TCF3: variants seen among roughly 807,000 people sequenced by gnomAD.
The protein encoded by TCF3 is transcription factor E2-alpha.
In TCF3, 54 loss-of-function variants were observed where a neutral mutation model predicts 72.3. The ratio of observed to expected loss-of-function variants is 0.75; its 90% CI spans 0.60 to 0.94. The LOEUF (loss-of-function observed/expected upper bound fraction) is 0.94. Among genes scored for constraint, TCF3 ranks in the 40% least tolerant of loss-of-function variants. The pLI, the probability that TCF3 is intolerant of heterozygous loss-of-function variation, is 0.00. For missense variants in TCF3, 1,078 were observed against 934.4 expected, an observed-to-expected ratio of 1.15 and a Z score of -2.00; for synonymous variants, 525 against 412.6, an observed-to-expected ratio of 1.27 and a Z score of -3.30.
At position 1,612,342 on chromosome 19, in the gene TCF3, G is replaced by A. The variant is rs376471101; in HGVS notation, c.1823-493C>T. On this transcript the variant is annotated intron_variant, in intron 18 of 18. Coordinates refer to ENST00000262965, the MANE Select transcript of TCF3 (RefSeq NM_003200.5). ...TCCCGGAAGGCCTCGTTAATATCCC[G>A]CACGCGCACCCGCTCCCGCGCGTTA... 4.3e-6 allele frequency: 7 copies of A among 1,613,802 alleles called. No individual in the cohort carries two copies. The highest frequency in any genetic ancestry group is 4.0e-5 in the African/African-American group (3 of 74,930).
Position 1,611,241 on chromosome 19 carries a change from G to T in TCF3, c.*466C>A. The T allele has an allele frequency of 3.3e-6, 1 of 298,828 alleles. No homozygotes were observed. Among genetic ancestry groups the T allele is most frequent in the Non-Finnish European group, 6.2e-6 (1 of 162,572 alleles). 18.5% of individuals were successfully genotyped at this position (298,828 alleles called of 1,614,324 possible). On this transcript the variant is annotated 3_prime_UTR_variant, in exon 19 of 19. Coordinates refer to ENST00000262965, the MANE Select transcript of TCF3 (RefSeq NM_003200.5). ...GCACAATTTGCTGGTGGCTTTAGAA[G>T]AATAAGCCAGGTTTCCACAGCATCC...
intron 1 of TCF3, chr19:1,650,600 A>G (rs376066897): frequency 3.4e-6 from 1 of 290,540 alleles, no homozygotes; most frequent in East Asian, 5.2e-5. Context: ...CCAAGTTTAA[A>G]CTGCACGCAG....
Position 1,620,990 on chromosome 19 carries a change from C to T in TCF3, c.1071G>A (p.Val357=), listed in dbSNP as rs2146079738. The T allele has an allele frequency of 1.3e-6, 2 of 1,517,134 alleles. No homozygotes were observed. Among genetic ancestry groups the T allele is most frequent in the Non-Finnish European group, 8.8e-7 (1 of 1,133,762 alleles). The allele number at this position is 1,517,134 out of a possible 1,614,324, so 94.0% of individuals were successfully genotyped here. A position where few individuals can be genotyped will look rare whatever the true frequency, so the allele number is the denominator to read the frequency against. Residue 357 remains valine (V), a synonymous_variant, in exon 13 of 19, where the codon GTG becomes GTA. Coordinates refer to ENST00000262965, the MANE Select transcript of TCF3 (RefSeq NM_003200.5). ...NNFSSSPSTP[V]GSPQGLAGTS... is the part of the protein sequence containing the mutation. ...GACCTGCCAGGCCCTGGGGGGAGCC[C>T]ACGGGGGTAGAAGGGCTGGACGAGA...
chr19:1,625,652 C>T lies in TCF3; in HGVS notation c.423G>A (p.Ser141=), dbSNP rs755661624. ...AGTACTGGGAGGTCCCCTTCATGCC[C>T]GAAGGGGACAGGGGCCCGGGGCTGT... is the stretch of plus-strand genomic sequence containing the variant. ...ALNSPGPLSP[S]GMKGTSQYYP... The change falls in exon 7 of 19, where the codon TCG becomes TCA. Residue 141 remains serine (S), a synonymous_variant. Transcript: ENST00000262965. 1.0e-5 allele frequency: 16 copies of T among 1,542,110 alleles called. No homozygotes were observed. Among genetic ancestry groups the T allele is most frequent in the African/African-American group, 1.0e-4 (7 of 69,994 alleles).
At position 1,626,137 on chromosome 19, in the gene TCF3, C is replaced by T. The variant is rs576959265; in HGVS notation, c.367-429G>A. ...GCCAGGGCTGCCCTGAGCCGGGTCC[C>T]GGAACTGACTCCTGCATTTCATCCG... On this transcript the variant is annotated intron_variant, in intron 6 of 18. Coordinates refer to ENST00000262965, the MANE Select transcript of TCF3 (RefSeq NM_003200.5). Among the ~76,000 whole-genome samples, 35 of 152,196 alleles carry T rather than the reference C, an allele frequency of 2.3e-4. No individual in the cohort carries two copies. The East Asian group carries it at 2.7e-3, about 12-fold the overall frequency.
At chr19:1,623,860 C>G in intron 8 of TCF3, 91 bp downstream of exon 8, 1 of 1,365,142 alleles carries the variant, frequency 7.3e-7, no homozygotes, top group South Asian at 1.3e-5. Context: ...AGGGCCCACC[C>G]CGCCATGTGT....
At chr19:1,649,902 C>A (rs568078341) in intron 2 of TCF3, among the ~76,000 whole-genome samples, 22 of 152,332 alleles carry the variant, frequency 1.4e-4, no homozygotes, top group African/African-American at 4.6e-4. Context: ...AGCTGGGGGC[C>A]CAGGACCATG....
chr19:1,651,972 G>A (rs1445781309), intron 1 of TCF3, among the ~76,000 whole-genome samples: 1 of 150,880 alleles, frequency 6.6e-6, no homozygotes, highest in Non-Finnish European at 1.5e-5. Flanking sequence ...GCCCGGGCTG[G>A]GGGGGACGGT....
At chr19:1,651,840 G>A (rs1276299926) in intron 1 of TCF3, among the ~76,000 whole-genome samples, 5 of 140,862 alleles carry the variant, frequency 3.5e-5, no homozygotes, top group African/African-American at 1.3e-4. Context: ...CGCCTGCAGC[G>A]CGCGGCACCT....
intron 18 of TCF3, chr19:1,612,348 G>T: frequency 1.2e-6 from 2 of 1,613,932 alleles, no homozygotes; most frequent in Non-Finnish European, 1.7e-6. Context: ...TCCCGCACGC[G>T]CACCCGCTCC....
In TCF3 at chr19:1,624,779, A is replaced by C. The variant is rs555961531; in HGVS notation, c.500-779T>G. ...CGGAACAGAGGCCTCCTCCCGCATC[A>C]TGGGGCTCCTGTCCTTGGTCTATTC... On this transcript the variant is annotated intron_variant, in intron 7 of 18. Transcript: ENST00000262965. Among the ~76,000 whole-genome samples, 8 of 152,318 alleles carry C rather than the reference A, an allele frequency of 5.3e-5. No homozygotes were observed. In the South Asian group the frequency reaches 1.7e-3, roughly 32 times the overall value.
At chr19:1,625,226 C>CG (rs1329170961) in intron 7 of TCF3, among the ~76,000 whole-genome samples, 8 of 152,308 alleles carry the variant, frequency 5.3e-5, no homozygotes, top group Middle Eastern at 6.8e-3. Context: ...ACGTGCCTCG[C>CG]GGGGGATGCC....
intron 5 of TCF3, among the ~76,000 whole-genome samples, chr19:1,627,777 G>GGA (rs56728535): frequency 1.0e-4 from 15 of 150,602 alleles, no homozygotes; most frequent in African/African-American, 3.4e-4. Flanking sequence ...AGCTCACGGG[G>GGA]TGAGGTGGGA....
chr19:1,622,264 C>G, intron 9 of TCF3, 41 bp from the exon 10 acceptor site: 1 of 1,509,802 alleles, frequency 6.6e-7, no homozygotes, highest in Non-Finnish European at 8.9e-7. Context: ...GAGTGGGGAA[C>G]CCCAGCCCTG....
intron 1 of TCF3, 98 bp from the exon 2 acceptor site, chr19:1,650,385 A>G (rs1021491058): frequency 3.0e-5 from 27 of 885,582 alleles, no homozygotes; most frequent in Non-Finnish European, 4.6e-5. Flanking sequence ...CCACCTAAAA[A>G]ACCCTCAACC....
chr19:1,622,419 CG>C lies in TCF3; in HGVS notation c.550-5del. The C allele has an allele frequency of 6.5e-6, 3 of 459,824 alleles. No individual in the cohort carries two copies. Among genetic ancestry groups the C allele is most frequent in the Non-Finnish European group, 1.1e-5 (3 of 267,752 alleles). 28.5% of individuals were successfully genotyped at this position (459,824 alleles called of 1,614,324 possible). A position where few individuals can be genotyped will look rare whatever the true frequency, so the allele number is the denominator to read the frequency against. ...CACCTGAGCTGGGTGGGTACACCTG[CG>C]GGCGGGTGGGCGGTGGGGGGTGCAG... On this transcript the variant is annotated splice_region_variant and splice_polypyrimidine_tract_variant and intron_variant, in intron 8 of 18. Transcript: ENST00000262965.
intron 13 of TCF3, among the ~76,000 whole-genome samples, chr19:1,620,438 T>TA (rs2146047807): frequency 6.6e-6 from 1 of 151,986 alleles, no homozygotes; most frequent in East Asian, 1.9e-4. Context: ...CCGCACAGGG[T>TA]AAACAGTCAG....
intron 5 of TCF3, among the ~76,000 whole-genome samples, chr19:1,629,500 A>G (rs888643562): frequency 3.3e-5 from 5 of 150,504 alleles, no homozygotes; most frequent in South Asian, 2.1e-4. Flanking sequence ...CCAGCATGGA[A>G]GGCCTGGGCT....
At position 1,611,275 on chromosome 19, in the gene TCF3, T is replaced by G. The variant is rs1001106042; in HGVS notation, c.*432A>C. 3.0e-6 allele frequency: 1 copy of G among 331,916 alleles called. No homozygotes were observed. The highest frequency in any genetic ancestry group is 5.4e-6 in the Non-Finnish European group (1 of 184,056). The allele number at this position is 331,916 out of a possible 1,614,324, so 20.6% of individuals were successfully genotyped here. On this transcript the variant is annotated 3_prime_UTR_variant, in exon 19 of 19. Transcript: ENST00000262965. ...AGGTTTCCACAGCATCCCCCTTGAGTGATATGTTTCCATTTCTCCGCTTTT... is the reference window on the plus strand; with the variant it reads ...AGGTTTCCACAGCATCCCCCTTGAGGGATATGTTTCCATTTCTCCGCTTTT...
Sources: gnomAD v4.1 joint callset for allele counts (sites outside exome capture counted in the v4.1 genomes callset) on GRCh38, gnomAD v4.1.1 for gene constraint, MANE v1.5 for transcripts, NCBI Gene and HGNC (gene_info 2026-07-23, HGNC 2026-07-21) for gene names.